PRKN: variants seen among roughly 807,000 people sequenced by gnomAD.
PRKN encodes the protein E3 ubiquitin-protein ligase parkin.
A neutral mutation model predicts 59.5 loss-of-function variants in PRKN; 56 were observed. The ratio of observed to expected loss-of-function variants is 0.94; its 90% CI spans 0.76 to 1.18. PRKN has a LOEUF of 1.18. PRKN is among the 50% of genes most tolerant of loss of function. The pLI is 0.00. For synonymous variants in PRKN, 250 were observed against 222.1 expected, an observed-to-expected ratio of 1.13 and a Z score of -1.12; for missense variants, 657 against 596.4, an observed-to-expected ratio of 1.10 and a Z score of -1.06.
chr6:162,468,104 C>A (rs902235273), intron 1 of PRKN, among the ~76,000 whole-genome samples: 1 of 152,182 alleles, frequency 6.6e-6, no homozygotes, highest in Admixed American at 6.5e-5. Flanking sequence ...TAAATGTAAG[C>A]CCCGACAGGA....
rs1397612071 is a variant in PRKN, at chr6:162,103,074, C to T, written c.535-48900G>A. Among the ~76,000 whole-genome samples the T allele has an allele frequency of 2.0e-5, 3 of 146,584 alleles. No individual in the cohort carries two copies. In the East Asian group the frequency reaches 6.0e-4, roughly 29 times the overall value. ...AAAAAAAAAAAGAAAAAAAGAAATACATAACTTGAATGAAAATGTGTATTA... is the reference window on the plus strand; with the variant it reads ...AAAAAAAAAAAGAAAAAAAGAAATATATAACTTGAATGAAAATGTGTATTA... On this transcript the variant is annotated intron_variant, in intron 4 of 11. Coordinates refer to ENST00000366898, the MANE Select transcript of PRKN (RefSeq NM_004562.3).
chr6:161,654,584 TC>T (rs1181503004), intron 7 of PRKN, among the ~76,000 whole-genome samples: 3 of 152,188 alleles, frequency 2.0e-5, no homozygotes, highest in Admixed American at 1.3e-4. Context: ...TTAGAAAACT[TC>T]TAACATCTAA....
intron 2 of PRKN, among the ~76,000 whole-genome samples, chr6:162,319,185 A>G (rs1782878475): frequency 1.3e-5 from 2 of 152,050 alleles, no homozygotes; most frequent in Admixed American, 6.6e-5. Context: ...AAAATAAAGT[A>G]AACTAGTAAA....
At chr6:162,123,810 A>G (rs1183217515) in intron 4 of PRKN, among the ~76,000 whole-genome samples, 4 of 152,190 alleles carry the variant, frequency 2.6e-5, no homozygotes, top group African/African-American at 7.2e-5. Context: ...TGAATTACTT[A>G]ACTATTGTTT....
chr6:162,651,211 T>C (rs934534013), intron 1 of PRKN, among the ~76,000 whole-genome samples: 3 of 152,136 alleles, frequency 2.0e-5, no homozygotes, highest in African/African-American at 7.2e-5. Context: ...AAACCTCCAT[T>C]CTCCTGGTAC....
chr6:161,902,753 C>T (rs1235992823), intron 6 of PRKN, among the ~76,000 whole-genome samples: 3 of 151,986 alleles, frequency 2.0e-5, no homozygotes, highest in South Asian at 2.1e-4. Context: ...GACTGAGTTT[C>T]GCCATGTTGG....
intron 7 of PRKN, among the ~76,000 whole-genome samples, chr6:161,721,669 C>T (rs1455103650): frequency 1.3e-5 from 2 of 152,200 alleles, no homozygotes; most frequent in African/African-American, 4.8e-5. Flanking sequence ...CTCTGGGTCC[C>T]CCCCGTGCTG....
chr6:161,779,476 G>GCTCTGTCA (rs1301437840), intron 7 of PRKN, among the ~76,000 whole-genome samples: 1 of 48,962 alleles, frequency 2.0e-5, no homozygotes, highest in Non-Finnish European at 3.9e-5. Context: ...ATGGAGTCTC[G>GCTCTGTCA]CTCTGTCACT....
intron 6 of PRKN, among the ~76,000 whole-genome samples, chr6:161,936,701 G>A (rs1195134367): frequency 3.9e-5 from 6 of 152,046 alleles, no homozygotes; most frequent in African/African-American, 1.4e-4. Context: ...CATTGAGGAA[G>A]GGCAAATATG....
At chr6:162,350,283 T>C (rs1327192505) in intron 2 of PRKN, among the ~76,000 whole-genome samples, 1 of 152,146 alleles carries the variant, frequency 6.6e-6, no homozygotes, top group Non-Finnish European at 1.5e-5. Flanking sequence ...TCCAAATTCA[T>C]CTATAGATTC....
intron 1 of PRKN, among the ~76,000 whole-genome samples, chr6:162,497,522 T>C (rs1793121132): frequency 6.6e-6 from 1 of 152,252 alleles, no homozygotes. Context: ...CTCTGCACTG[T>C]TGGACTCAAA....
At chr6:161,827,804 G>A (rs1792312723) in intron 6 of PRKN, among the ~76,000 whole-genome samples, 1 of 152,046 alleles carries the variant, frequency 6.6e-6, no homozygotes, top group Admixed American at 6.5e-5. Context: ...CAGCACACCC[G>A]GCCCTTGATT....
Position 161,550,206 on chromosome 6 carries a change from C to T in PRKN, c.934-1203G>A, listed in dbSNP as rs571065107. The stretch of plus-strand genomic sequence containing the variant: ...AACAAGGGGGGCAGTGGGGCGGAGG[C>T]AGAGAGAACAAGGAGGGAAAAAAAC... On this transcript the variant is annotated intron_variant, in intron 8 of 11. Coordinates refer to ENST00000366898, the MANE Select transcript of PRKN (RefSeq NM_004562.3). This position sits in a 1 kb window ranked among gnomAD's most constrained non-coding sequence, Gnocchi z 4.0. 6.6e-6 allele frequency among the ~76,000 whole-genome samples: 1 copy of T among 151,940 alleles called. No individual in the cohort carries two copies. Among genetic ancestry groups the T allele is most frequent in the South Asian group, 2.1e-4 (1 of 4,796 alleles).
chr6:162,223,612 GACACACACACACACACAC>G (rs34881644), intron 3 of PRKN, among the ~76,000 whole-genome samples: 78 of 129,306 alleles, frequency 6.0e-4, no homozygotes, highest in Admixed American at 3.1e-3. Context: ...ATAGACACGT[GACACACACACACACACAC>G]ACACACACAC....
intron 4 of PRKN, among the ~76,000 whole-genome samples, chr6:162,194,126 G>C (rs1173309986): frequency 6.6e-6 from 1 of 152,160 alleles, no homozygotes; most frequent in East Asian, 1.9e-4. Context: ...GAATTTTGAA[G>C]TTTAGGTTAT....
intron 9 of PRKN, among the ~76,000 whole-genome samples, chr6:161,520,645 T>A (rs1535054): frequency 0.71 from 107,795 of 151,480 alleles, 38,450 homozygotes; most frequent in Middle Eastern, 0.8. Context: ...AAAGATTCCC[T>A]AAAGTTTGAG....
intron 7 of PRKN, among the ~76,000 whole-genome samples, chr6:161,773,656 T>C (rs1457024074): frequency 6.6e-6 from 1 of 152,196 alleles, no homozygotes; most frequent in Non-Finnish European, 1.5e-5. Context: ...TAGCTAAAAA[T>C]TGTTTGTGTT....
intron 2 of PRKN, among the ~76,000 whole-genome samples, chr6:162,392,352 T>C (rs1459920790): frequency 1.3e-5 from 2 of 152,112 alleles, no homozygotes; most frequent in African/African-American, 4.8e-5. Flanking sequence ...TTCTCCTAAC[T>C]TTTATGTTCA....
intron 5 of PRKN, among the ~76,000 whole-genome samples, chr6:162,004,658 A>G (rs1234759616): frequency 3.3e-5 from 5 of 152,332 alleles, no homozygotes; most frequent in Middle Eastern, 3.4e-3. Context: ...GCAAAATTGT[A>G]GCTTCAGAAA....
Sources: allele counts gnomAD v4.1 joint callset (sites outside exome capture counted in the v4.1 genomes callset), GRCh38; gene constraint gnomAD v4.1.1; non-coding constraint Gnocchi (gnomAD v3.1); transcripts MANE v1.5; gene names NCBI Gene and HGNC (gene_info 2026-07-23, HGNC 2026-07-21).